The following SKI variants were observed in gnomAD, a reference collection of about 807,000 sequenced individuals.
The protein encoded by SKI is ski oncogene.
In SKI, 23 loss-of-function variants were observed where a neutral mutation model predicts 59.3. The observed-to-expected ratio is 0.39, with a 90% confidence interval of 0.28 to 0.55. The LOEUF (loss-of-function observed/expected upper bound fraction) is 0.55, where lower values mean the gene tolerates loss of function less well. SKI is among the 20% of genes least tolerant of loss of function. The pLI is 0.67. For synonymous variants in SKI, 673 were observed against 488.6 expected, an observed-to-expected ratio of 1.38 and a Z score of -4.98; for missense variants, 1,017 against 1,038.9, an observed-to-expected ratio of 0.98 and a Z score of 0.29.
intron 1 of SKI, among the ~76,000 whole-genome samples, chr1:2,256,270 T>G (rs1037650777): frequency 6.6e-6 from 1 of 152,156 alleles, no homozygotes; most frequent in Non-Finnish European, 1.5e-5. Context: ...TGTCTGGAGC[T>G]CTCTGTGTCC....
intron 1 of SKI, among the ~76,000 whole-genome samples, chr1:2,294,837 A>G (rs1640247976): frequency 6.6e-6 from 1 of 152,058 alleles, no homozygotes; most frequent in African/African-American, 2.4e-5. Flanking sequence ...GGCAACTCCC[A>G]CAGCAGGGCA....
chr1:2,263,254 T>C (rs1639426447), intron 1 of SKI, among the ~76,000 whole-genome samples: 1 of 93,836 alleles, frequency 1.1e-5, no homozygotes, highest in African/African-American at 4.1e-5. Context: ...TTTTTTTTTT[T>C]GGAGACGGAG....
chr1:2,302,461 G>A (rs938881999), intron 1 of SKI, among the ~76,000 whole-genome samples: 3 of 152,126 alleles, frequency 2.0e-5, no homozygotes, highest in Non-Finnish European at 4.4e-5. Context: ...TCCCCTCCCC[G>A]CGACCACCCC....
rs1161351575 is a variant in SKI at position 2,303,277 on chromosome 1, C to G, written c.1096-8C>G. 5 of 1,612,956 alleles carry G rather than the reference C, an allele frequency of 3.1e-6. No homozygotes were observed. Among genetic ancestry groups the G allele is most frequent in the Non-Finnish European group, 3.4e-6 (4 of 1,179,708 alleles). On this transcript the variant is annotated splice_polypyrimidine_tract_variant and splice_region_variant and intron_variant, in intron 2 of 6. Coordinates refer to ENST00000378536, the MANE Select transcript of SKI (RefSeq NM_003036.4). The surrounding 1 kb of genome is among the most constrained non-coding windows in gnomAD (Gnocchi z 5.6). Reference sequence around the variant, plus strand: ...TGGTCACTCACACAGACAACTCTTTCTCGACAGAGCCTGGGCTGTGTTCAC... The same window carrying G: ...TGGTCACTCACACAGACAACTCTTTGTCGACAGAGCCTGGGCTGTGTTCAC...
At position 2,308,604 on chromosome 1, in the gene SKI, G is replaced by T. The variant is rs1364843901; in HGVS notation, c.*1839G>T. ...TTTTTAGCCTTGTTTTACCAGAGTT[G>T]TTTTTTTTTTCAGTTATTTCTTCAA... On this transcript the variant is annotated 3_prime_UTR_variant, in exon 7 of 7. Coordinates refer to ENST00000378536, the MANE Select transcript of SKI (RefSeq NM_003036.4). The T allele has an allele frequency of 2.7e-5, 4 of 148,916 alleles. No homozygotes were observed. Among genetic ancestry groups the T allele is most frequent in the South Asian group, 2.1e-4 (1 of 4,676 alleles). The allele number at this position is 148,916 out of a possible 1,614,324, so 9.2% of individuals were successfully genotyped here. A position where few individuals can be genotyped will look rare whatever the true frequency, so the allele number is the denominator to read the frequency against.
intron 1 of SKI, among the ~76,000 whole-genome samples, chr1:2,280,446 G>C (rs1639850549): frequency 6.6e-6 from 1 of 152,058 alleles, no homozygotes; most frequent in South Asian, 2.1e-4. Flanking sequence ...GTTGGGGAAG[G>C]CCTGGTCTGC....
At chr1:2,285,967 C>A (rs372412753) in intron 1 of SKI, among the ~76,000 whole-genome samples, 1 of 151,234 alleles carries the variant, frequency 6.6e-6, no homozygotes, top group African/African-American at 2.4e-5. Flanking sequence ...TCTGCCTCCC[C>A]GGTTCACGCC....
In SKI at chr1:2,284,622, G is replaced by A. The variant is rs573477961; in HGVS notation, c.970-18356G>A. Among the ~76,000 whole-genome samples, 8 of 152,328 alleles carry A rather than the reference G, an allele frequency of 5.3e-5. No individual in the cohort carries two copies. The East Asian group carries it at 5.8e-4, about 11-fold the overall frequency. ...AAGCTCACACCGGCCCAGAGGGCCCGCTGTCCGTGTGGACCTCCTGTGACT... is the reference window on the plus strand; with the variant it reads ...AAGCTCACACCGGCCCAGAGGGCCCACTGTCCGTGTGGACCTCCTGTGACT... On this transcript the variant is annotated intron_variant, in intron 1 of 6. Transcript: ENST00000378536.
chr1:2,240,350 G>A (rs1028240939), intron 1 of SKI: 55 of 318,002 alleles, frequency 1.7e-4, no homozygotes, highest in Non-Finnish European at 2.4e-4. Context: ...AGGGGCAGGC[G>A]CCTCCTAGCA....
rs1639551524 is a variant in SKI at position 2,268,761 on chromosome 1, G to A, written c.970-34217G>A. ...CCAGGGAGAGGCCATGACAGGAGTG[G>A]GTGTGGGGACTGGTGGGGACAGCGA... is the stretch of plus-strand genomic sequence containing the variant. On this transcript the variant is annotated intron_variant, in intron 1 of 6. Transcript: ENST00000378536. This position sits in a 1 kb window ranked among gnomAD's most constrained non-coding sequence, Gnocchi z 5.0. Among the ~76,000 whole-genome samples the A allele has an allele frequency of 6.6e-6, 1 of 152,206 alleles. No homozygotes were observed. Among genetic ancestry groups the A allele is most frequent in the African/African-American group, 2.4e-5 (1 of 41,436 alleles).
At chr1:2,233,237 G>C (rs1194873564) in intron 1 of SKI, among the ~76,000 whole-genome samples, 1 of 147,532 alleles carries the variant, frequency 6.8e-6, no homozygotes, top group Admixed American at 6.7e-5. Flanking sequence ...GGGCTGGTGG[G>C]GGGGGTCCTG....
At chr1:2,289,678 T>TC (rs1640121312) in intron 1 of SKI, among the ~76,000 whole-genome samples, 1 of 151,294 alleles carries the variant, frequency 6.6e-6, no homozygotes, top group South Asian at 2.1e-4. Context: ...GGCTCTCCCC[T>TC]CCCCCGAGCC....
chr1:2,299,353 G>A (rs1569850454), intron 1 of SKI, among the ~76,000 whole-genome samples: 1 of 152,278 alleles, frequency 6.6e-6, no homozygotes, highest in Non-Finnish European at 1.5e-5. Context: ...GGGGGAAGTG[G>A]CCCAGCTGAC....
intron 1 of SKI, among the ~76,000 whole-genome samples, chr1:2,287,916 TCCTGGC>T (rs1640078574): frequency 6.6e-6 from 1 of 151,748 alleles, no homozygotes; most frequent in Non-Finnish European, 1.5e-5. Flanking sequence ...CCCTGGGCGC[TCCTGGC>T]CCTGGCCTGG....
rs1313970666 is a variant in SKI at position 2,309,550 on chromosome 1, G to C, written c.*2785G>C. The stretch of plus-strand genomic sequence containing the variant: ...TTACCTGAGAGTTGTCTTGTTTTCT[G>C]GGCTGTTTTTAACTGAGGAAAAAAA... On this transcript the variant is annotated 3_prime_UTR_variant, in exon 7 of 7. Transcript: ENST00000378536. The C allele has an allele frequency of 1.3e-5, 2 of 152,004 alleles. No homozygotes were observed. Among genetic ancestry groups the C allele is most frequent in the South Asian group, 2.1e-4 (1 of 4,824 alleles). 9.4% of individuals were successfully genotyped at this position (152,004 alleles called of 1,614,324 possible). A position where few individuals can be genotyped will look rare whatever the true frequency, so the allele number is the denominator to read the frequency against.
rs767352419 is a variant in SKI at position 2,229,523 on chromosome 1, A to T, written c.757A>T (p.Met253Leu). 1.9e-6 allele frequency: 3 copies of T among 1,611,090 alleles called. No individual in the cohort carries two copies. Among genetic ancestry groups the T allele is most frequent in the African/African-American group, 1.3e-5 (1 of 74,928 alleles). Residue 253 changes from methionine to leucine, a missense_variant, in exon 1 of 7, where the codon ATG (methionine) becomes TTG (leucine). Transcript: ENST00000378536. The surrounding 1 kb of genome is among the most constrained non-coding windows in gnomAD (Gnocchi z 6.3). ...ACIQCLDCRL[M>L]YPPHKFVVHS... ...CATCCAGTGCCTGGACTGCCGCCTC[A>T]TGTACCCGCCGCACAAGTTCGTGGT...
Position 2,303,991 on chromosome 1 carries a change from C to T in SKI, c.1363C>T (p.Arg455Trp), listed in dbSNP as rs1640495570. 1.2e-6 allele frequency: 2 copies of T among 1,612,502 alleles called. No individual in the cohort carries two copies. Among genetic ancestry groups the T allele is most frequent in the East Asian group, 2.2e-5 (1 of 44,852 alleles). ...PLATCTQPRK[R>W]KLTVDTPGAP... is the part of the protein sequence containing the mutation. ...CGCCACTTGCACCCAGCCTCGGAAGCGGAAGCTGACTGTGGACACCCCAGG... is the reference window on the plus strand; with the variant it reads ...CGCCACTTGCACCCAGCCTCGGAAGTGGAAGCTGACTGTGGACACCCCAGG... The change falls in exon 4 of 7, where the codon CGG becomes TGG. Residue 455 changes from arginine to tryptophan, a missense_variant. Coordinates refer to ENST00000378536, the MANE Select transcript of SKI (RefSeq NM_003036.4). This position sits in a 1 kb window ranked among gnomAD's most constrained non-coding sequence, Gnocchi z 5.6.
chr1:2,306,431 G>GC, intron 6 of SKI, 146 bp from the exon 7 acceptor site: 1 of 1,000,576 alleles, frequency 1.0e-6, no homozygotes, highest in Non-Finnish European at 1.4e-6. Context: ...CGTCTCGTGA[G>GC]CCTGTGTCCT....
At chr1:2,290,551 C>T (rs1640138440) in intron 1 of SKI, among the ~76,000 whole-genome samples, 2 of 152,098 alleles carry the variant, frequency 1.3e-5, no homozygotes, top group African/African-American at 2.4e-5. Flanking sequence ...GGGCTGGGGT[C>T]GTCAGAGCTT....
Sources: allele counts gnomAD v4.1 joint callset (sites outside exome capture counted in the v4.1 genomes callset), GRCh38; gene constraint gnomAD v4.1.1; non-coding constraint Gnocchi (gnomAD v3.1); transcripts MANE v1.5; gene names NCBI Gene and HGNC (gene_info 2026-07-23, HGNC 2026-07-21).